MKLN1: variants seen among roughly 807,000 people sequenced by gnomAD.
The protein encoded by MKLN1 is muskelin.
Under a neutral mutation model 99.0 loss-of-function variants are expected in MKLN1, and 18 were observed. The observed-to-expected ratio is 0.18, with a 90% CI of 0.13 to 0.27. MKLN1 has a LOEUF of 0.27. Ranked by LOEUF, MKLN1 falls within the 10% of genes least tolerant of loss-of-function variation. The pLI, the probability that MKLN1 is intolerant of heterozygous loss-of-function variation, is 1.00. For missense variants in MKLN1, 621 were observed against 875.9 expected (o/e 0.71, Z 3.67); for synonymous variants, 288 against 293.2 (o/e 0.98, Z 0.18).
chr7:131,448,921 G>C (rs747718822), intron 12 of MKLN1, among the ~76,000 whole-genome samples: 2 of 152,116 alleles, frequency 1.3e-5, no homozygotes, highest in East Asian at 1.9e-4. Context: ...GTAGGCCCAA[G>C]ATTATTTTAG....
At chr7:131,316,153 C>G (rs1798664801) in intron 3 of MKLN1, among the ~76,000 whole-genome samples, 1 of 152,184 alleles carries the variant, frequency 6.6e-6, no homozygotes, top group South Asian at 2.1e-4. Context: ...CCCAACAGGG[C>G]TTGACAGAAA....
intron 2 of MKLN1, among the ~76,000 whole-genome samples, chr7:131,170,335 G>T (rs1345605666): frequency 6.6e-6 from 1 of 152,100 alleles, no homozygotes; most frequent in African/African-American, 2.4e-5. Flanking sequence ...TTGTTCAAGG[G>T]ACAGCATTTA....
At chr7:131,422,970 A>G (rs1795251661) in intron 8 of MKLN1, among the ~76,000 whole-genome samples, 1 of 152,168 alleles carries the variant, frequency 6.6e-6, no homozygotes, top group Non-Finnish European at 1.5e-5. Flanking sequence ...TCCACTTAAG[A>G]TTCTTCAACT....
intron 9 of MKLN1, among the ~76,000 whole-genome samples, chr7:131,436,064 T>C (rs147987902): frequency 6.6e-6 from 1 of 152,320 alleles, no homozygotes; most frequent in African/African-American, 2.4e-5. Flanking sequence ...AGATTATTTA[T>C]GGAGGCAATC....
At chr7:131,142,726 CTA>C (rs1795755452) in intron 1 of MKLN1, 1 of 367,950 alleles carries the variant, frequency 2.7e-6, no homozygotes, top group Non-Finnish European at 5.3e-6. Flanking sequence ...CAGAGCAAGA[CTA>C]TGTCTCAAAA....
exon 1 of MKLN1, chr7:131,110,149 G>A: frequency 5.0e-6 from 1 of 199,074 alleles, no homozygotes; most frequent in Non-Finnish European, 1.0e-5. Context: ...CTCCTCCAGA[G>A]CCGCCCGGGA....
chr7:131,448,144 C>T (rs796772402), intron 12 of MKLN1, among the ~76,000 whole-genome samples: 30 of 152,226 alleles, frequency 2.0e-4, no homozygotes, highest in African/African-American at 6.3e-4. Context: ...AGGAGAATGG[C>T]GTGAACCCGG....
At chr7:131,356,640 G>A (rs1416424715) in intron 1 of MKLN1, among the ~76,000 whole-genome samples, 5 of 152,172 alleles carry the variant, frequency 3.3e-5, no homozygotes, top group Admixed American at 2.6e-4. Context: ...GCAGGATTTC[G>A]CCTCTGTCGT....
chr7:131,472,387 G>C (rs1213988064), intron 16 of MKLN1: 1 of 152,048 alleles, frequency 6.6e-6, no homozygotes, highest in East Asian at 1.9e-4. Flanking sequence ...TTAAACTAAT[G>C]GGGAAAAAAA....
At chr7:131,247,235 CTTTTTT>C (rs72068521) in intron 3 of MKLN1, among the ~76,000 whole-genome samples, 9 of 141,172 alleles carry the variant, frequency 6.4e-5, no homozygotes, top group Non-Finnish European at 7.7e-5. Context: ...TTTCTTTTTT[CTTTTTT>C]TTTTTTTTGT....
chr7:131,471,155 C>T (rs566736258), intron 16 of MKLN1: 2 of 448,256 alleles, frequency 4.5e-6, no homozygotes, highest in Non-Finnish European at 7.9e-6. Flanking sequence ...AACCCTTGGT[C>T]CATTCAGAAA....
chr7:131,274,169 G>C (rs1320282430), intron 3 of MKLN1, among the ~76,000 whole-genome samples: 1 of 152,174 alleles, frequency 6.6e-6, no homozygotes, highest in Non-Finnish European at 1.5e-5. Context: ...TGAAACATAA[G>C]TTGGGGACGG....
chr7:131,182,319 T>C (rs1796388211), intron 2 of MKLN1, among the ~76,000 whole-genome samples: 1 of 152,204 alleles, frequency 6.6e-6, no homozygotes, highest in African/African-American at 2.4e-5. Context: ...AATACTGGAA[T>C]TGAAAAGCTT....
At chr7:131,442,091 C>T (rs1390003077) in intron 10 of MKLN1, among the ~76,000 whole-genome samples, 3 of 152,082 alleles carry the variant, frequency 2.0e-5, no homozygotes, top group African/African-American at 4.8e-5. Flanking sequence ...ACCATGTTTA[C>T]CAAGATTTCA....
At chr7:131,154,358 A>G (rs1371133700) in intron 2 of MKLN1, among the ~76,000 whole-genome samples, 1 of 152,198 alleles carries the variant, frequency 6.6e-6, no homozygotes, top group Non-Finnish European at 1.5e-5. Flanking sequence ...CCGAGATTAC[A>G]GGTGTGAGCC....
At chr7:131,157,572 A>G (rs1795987898) in intron 2 of MKLN1, among the ~76,000 whole-genome samples, 1 of 152,178 alleles carries the variant, frequency 6.6e-6, no homozygotes, top group Non-Finnish European at 1.5e-5. Flanking sequence ...AATAGCTGAC[A>G]CACAGTTATC....
intron 1 of MKLN1, among the ~76,000 whole-genome samples, chr7:131,370,306 C>T (rs1800306935): frequency 1.3e-5 from 2 of 150,414 alleles, no homozygotes; most frequent in South Asian, 4.2e-4. Context: ...GTTTGTGTTT[C>T]TCTGAGCTAT....
chr7:131,414,652 G>T lies in MKLN1; in HGVS notation c.789G>T (p.Gly263=). ...CTATTATTTCTTCTAAAGGTGATGG[G>T]GAAGATAACCGTCCAGGAATGAGAG... ...QIIPKSTKGD[G]EDNRPGMRGG... is the part of the protein sequence containing the mutation. Residue 263 remains glycine, a synonymous_variant, in exon 8 of 18, where the codon GGG becomes GGT. Transcript: ENST00000352689. 6.2e-7 allele frequency: 1 copy of T among 1,606,430 alleles called. No individual in the cohort carries two copies. The highest frequency in any genetic ancestry group is 8.5e-7 in the Non-Finnish European group (1 of 1,174,906).
chr7:131,353,433 G>A (rs974927185), intron 1 of MKLN1, among the ~76,000 whole-genome samples: 2 of 151,864 alleles, frequency 1.3e-5, no homozygotes, highest in Non-Finnish European at 2.9e-5. Context: ...TTTTCTGATT[G>A]GATTGTTTGC....
Sources: gnomAD v4.1 joint callset for allele counts (sites outside exome capture counted in the v4.1 genomes callset) on GRCh38, gnomAD v4.1.1 for gene constraint, MANE v1.5 for transcripts, NCBI Gene and HGNC (gene_info 2026-07-23, HGNC 2026-07-21) for gene names.